VPS45: variants seen among roughly 807,000 people sequenced by gnomAD.
VPS45 encodes vacuolar protein sorting 45 homolog, also known as vacuolar protein sorting-associated protein 45.
VPS45 carries 35 observed loss-of-function variants against 75.9 expected under a neutral mutation model. That is an observed-to-expected ratio of 0.46 (90% confidence interval 0.35 to 0.61). The LOEUF is 0.61. Among genes scored for constraint, VPS45 ranks in the 20% least tolerant of loss-of-function variants. VPS45 has a pLI of 0.00. For missense variants in VPS45, 559 were observed against 685.9 expected, an observed-to-expected ratio of 0.81 and a Z score of 2.07; for synonymous variants, 220 against 238.2, an observed-to-expected ratio of 0.92 and a Z score of 0.70.
intron 4 of VPS45, 178 bp downstream of exon 4, chr1:150,076,490 A>C: frequency 2.0e-6 from 1 of 495,604 alleles, no homozygotes; most frequent in Non-Finnish European, 3.6e-6. Flanking sequence ...ACTAGTTTTG[A>C]ATTTTTCAGA....
chr1:150,103,068 T>TTA (rs1401025430), intron 13 of VPS45, among the ~76,000 whole-genome samples: 1 of 1,146 alleles, frequency 8.7e-4, no homozygotes, highest in Non-Finnish European at 1.1e-3. Flanking sequence ...TATTTTTTTT[T>TTA]ATTTTTAACA....
intron 10 of VPS45, among the ~76,000 whole-genome samples, chr1:150,089,119 G>C (rs1185217581): frequency 6.6e-6 from 1 of 152,096 alleles, no homozygotes; most frequent in Non-Finnish European, 1.5e-5. Context: ...TCCAAGTGAA[G>C]GTAAATAGAA....
intron 3 of VPS45, among the ~76,000 whole-genome samples, chr1:150,075,662 C>A (rs782021988): frequency 3.9e-5 from 6 of 152,114 alleles, no homozygotes; most frequent in Non-Finnish European, 7.4e-5. Context: ...TATTTGGTTA[C>A]CTGGTAGTAC....
chr1:150,123,152 A>G (rs1658327486), intron 14 of VPS45, among the ~76,000 whole-genome samples: 1 of 152,150 alleles, frequency 6.6e-6, no homozygotes. Flanking sequence ...TCTTTCACTT[A>G]GCATAATGTT....
At chr1:150,097,806 A>G (rs1382293154) in intron 13 of VPS45, among the ~76,000 whole-genome samples, 2 of 152,004 alleles carry the variant, frequency 1.3e-5, no homozygotes, top group East Asian at 3.9e-4. Flanking sequence ...TATATATAAT[A>G]TATTTTCACA....
chr1:150,081,315 C>T (rs2101533597), intron 7 of VPS45, 27 bp from the exon 8 acceptor site: 13 of 1,535,036 alleles, frequency 8.5e-6, no homozygotes, highest in East Asian at 4.8e-5. Context: ...TGTCAGTTAC[C>T]TTTTTTTTTC....
intron 14 of VPS45, among the ~76,000 whole-genome samples, chr1:150,130,421 G>A (rs1196624458): frequency 1.3e-5 from 2 of 151,394 alleles, no homozygotes; most frequent in Middle Eastern, 3.2e-3. Context: ...CAGACTCCTG[G>A]GCTCAAGTGA....
Position 150,081,329 on chromosome 1 carries a change from ATTCT to A in VPS45, c.688-10_688-7del, listed in dbSNP as rs1431097466. 1.3e-6 allele frequency: 2 copies of A among 1,571,882 alleles called. No individual in the cohort carries two copies. The highest frequency in any genetic ancestry group is 1.7e-6 in the Non-Finnish European group (2 of 1,167,354). On this transcript the variant is annotated splice_polypyrimidine_tract_variant and intron_variant, in intron 7 of 14. Transcript: ENST00000644510. ...CTGTCAGTTACCTTTTTTTTTCATA[ATTCT>A]TTATTTAGTGGACATATCAGGCCAT...
chr1:150,070,920 T>C (rs997146573), intron 2 of VPS45, among the ~76,000 whole-genome samples: 11 of 152,186 alleles, frequency 7.2e-5, no homozygotes, highest in African/African-American at 2.6e-4. Context: ...GTCTGAACTT[T>C]TAAGAATCTT....
intron 14 of VPS45, among the ~76,000 whole-genome samples, chr1:150,111,517 A>G (rs782455592): frequency 5.9e-5 from 9 of 152,166 alleles, no homozygotes; most frequent in Non-Finnish European, 1.2e-4. Context: ...CAAGAAACTC[A>G]CGGTGTTTTA....
At chr1:150,133,279 G>A (rs1205549305) in intron 14 of VPS45, among the ~76,000 whole-genome samples, 3 of 152,318 alleles carry the variant, frequency 2.0e-5, no homozygotes, top group African/African-American at 7.2e-5. Flanking sequence ...GCCAGGCGTG[G>A]TGGCTCACGC....
intron 14 of VPS45, among the ~76,000 whole-genome samples, chr1:150,119,270 A>G (rs1185133489): frequency 3.9e-5 from 6 of 152,240 alleles, no homozygotes; most frequent in Non-Finnish European, 5.9e-5. Flanking sequence ...CAGTAATGGA[A>G]AGGCTAATAT....
chr1:150,085,796 T>G (rs1655976235), intron 10 of VPS45, among the ~76,000 whole-genome samples: 1 of 152,110 alleles, frequency 6.6e-6, no homozygotes, highest in African/African-American at 2.4e-5. Context: ...TAACCATTAT[T>G]TTGTAGGCTA....
intron 13 of VPS45, 41 bp from the exon 14 acceptor site, chr1:150,110,455 T>C: frequency 6.4e-7 from 1 of 1,560,764 alleles, no homozygotes; most frequent in Non-Finnish European, 8.7e-7. Flanking sequence ...GTCCTTTTTT[T>C]TTCTTATCCT....
intron 14 of VPS45, among the ~76,000 whole-genome samples, chr1:150,123,618 T>C (rs1658351084): frequency 6.6e-6 from 1 of 152,226 alleles, no homozygotes; most frequent in Non-Finnish European, 1.5e-5. Context: ...CTGGCCTGCC[T>C]TAGCACTTCA....
chr1:150,119,186 G>A (rs782732387), intron 14 of VPS45, among the ~76,000 whole-genome samples: 1 of 152,190 alleles, frequency 6.6e-6, no homozygotes, highest in Non-Finnish European at 1.5e-5. Flanking sequence ...CATGATGAAT[G>A]TAGGATACCT....
rs192850081 is a variant in VPS45 at position 150,076,223 on chromosome 1, T to C, written c.290-10T>C. ...TCTCCTTTGAGTCAACCCCAACTCA[T>C]GTGTTTCAGATTTCAGTAATGTGAT... is the stretch of plus-strand genomic sequence containing the variant. On this transcript the variant is annotated splice_polypyrimidine_tract_variant and intron_variant, in intron 3 of 14. Transcript: ENST00000644510. 1.1e-3 allele frequency: 1,727 copies of C among 1,597,314 alleles called. 6 individuals carry two copies. The highest frequency in any genetic ancestry group is 9.4e-3 in the Middle Eastern group (56 of 5,984).
At chr1:150,117,212 AAATAAT>A (rs369167281) in intron 14 of VPS45, among the ~76,000 whole-genome samples, 1 of 150,322 alleles carries the variant, frequency 6.7e-6, no homozygotes, top group African/African-American at 2.5e-5. Flanking sequence ...AAAAATAATA[AAATAAT>A]AATAATAATA....
At chr1:150,134,419 T>C (rs1658974526) in intron 14 of VPS45, among the ~76,000 whole-genome samples, 1 of 152,204 alleles carries the variant, frequency 6.6e-6, no homozygotes, top group Non-Finnish European at 1.5e-5. Flanking sequence ...GAAAGCATAA[T>C]ATAATAAATA....
Sources: allele counts gnomAD v4.1 joint callset (sites outside exome capture counted in the v4.1 genomes callset), GRCh38; gene constraint gnomAD v4.1.1; transcripts MANE v1.5; gene names NCBI Gene and HGNC (gene_info 2026-07-23, HGNC 2026-07-21).